POLH: variants seen among roughly 807,000 people sequenced by gnomAD.
The protein encoded by POLH is DNA polymerase eta.
Under a neutral mutation model 73.6 loss-of-function variants are expected in POLH, and 53 were observed. The observed-to-expected ratio is 0.72, with a 90% CI of 0.58 to 0.91. The LOEUF is 0.91. Among genes scored for constraint, POLH ranks in the 40% least tolerant of loss-of-function variants. The pLI is 0.00. For synonymous variants in POLH, 292 were observed against 308.5 expected (o/e 0.95, Z 0.56); for missense variants, 768 against 865.4 (o/e 0.89, Z 1.41).
At position 43,619,080 on chromosome 6, in the gene POLH, T is replaced by C. The variant is rs926402626; in HGVS notation, c.*4523T>C. On this transcript the variant is annotated 3_prime_UTR_variant, in exon 11 of 11. Transcript: ENST00000372236. ...GCTTTTATGATACTTGAATATCTAA[T>C]AAAAGACAATATTTAGCCAGTCACG... 4.6e-5 allele frequency among the ~76,000 whole-genome samples: 7 copies of C among 152,122 alleles called. No individual in the cohort carries two copies. The highest frequency in any genetic ancestry group is 8.8e-5 in the Non-Finnish European group (6 of 68,026).
At position 43,583,075 on chromosome 6, in the gene POLH, AG is replaced by A. The variant is rs1176350430; in HGVS notation, c.207del (p.Lys70SerfsTer30). 2.3e-5 allele frequency: 37 copies of A among 1,613,742 alleles called. No homozygotes were observed. The highest frequency in any genetic ancestry group is 2.9e-5 in the Non-Finnish European group (34 of 1,179,746). Reference protein sequence around the residue: ...VTRSMWADDAKKLCPDLLLAQ... With the variant: ...VTRSMWADDAXKLCPDLLLAQ... The stretch of plus-strand genomic sequence containing the variant: ...AGAAGTATGTGGGCAGATGATGCTA[AG>A]AAGTTATGTCCAGATCTTCTACTGG... On this transcript the variant is annotated frameshift_variant, in exon 3 of 11. Coordinates refer to ENST00000372236, the MANE Select transcript of POLH (RefSeq NM_006502.3). LOFTEE classifies it high-confidence loss of function.
intron 2 of POLH, 146 bp downstream of exon 2, chr6:43,582,602 A>T: frequency 2.4e-6 from 2 of 839,716 alleles, no homozygotes. Flanking sequence ...ATCAGCTCAC[A>T]GCAGCTTTGA....
intron 4 of POLH, among the ~76,000 whole-genome samples, chr6:43,592,298 T>C (rs1260516306): frequency 1.3e-5 from 2 of 152,112 alleles, no homozygotes; most frequent in African/African-American, 4.8e-5. Context: ...AGAGGCGAGG[T>C]ATTTGTAATA....
rs1375995756 is a variant in POLH, at chr6:43,618,345, A to G, written c.*3788A>G. Among the ~76,000 whole-genome samples, 2 of 152,042 alleles carry G rather than the reference A, an allele frequency of 1.3e-5. No individual in the cohort carries two copies. Among genetic ancestry groups the G allele is most frequent in the Non-Finnish European group, 2.9e-5 (2 of 68,002 alleles). On this transcript the variant is annotated 3_prime_UTR_variant, in exon 11 of 11. Transcript: ENST00000372236. ...TAATTTTTGTATTTTTAGTAGAGAC[A>G]GGTTTTCACCATGTTGGCCAGGCTG...
At chr6:43,601,779 C>A (rs1055023673) in intron 6 of POLH, among the ~76,000 whole-genome samples, 1 of 151,766 alleles carries the variant, frequency 6.6e-6, no homozygotes, top group African/African-American at 2.4e-5. Context: ...AATAAATAGG[C>A]CGGGTGCGGT....
At position 43,618,413 on chromosome 6, in the gene POLH, A is replaced by G. The variant is rs1489047924; in HGVS notation, c.*3856A>G. Among the ~76,000 whole-genome samples the G allele has an allele frequency of 5.3e-5, 8 of 152,016 alleles. No individual in the cohort carries two copies. The highest frequency in any genetic ancestry group is 1.5e-5 in the Non-Finnish European group (1 of 68,000). Reference sequence around the variant, plus strand: ...GTGATCCATCCGCCTCGGCCTCCCAAAGTGCTGGGATTATAGGCATGAGCC... The same window carrying G: ...GTGATCCATCCGCCTCGGCCTCCCAGAGTGCTGGGATTATAGGCATGAGCC... On this transcript the variant is annotated 3_prime_UTR_variant, in exon 11 of 11. Transcript: ENST00000372236.
Position 43,617,314 on chromosome 6 carries a change from T to C in POLH, c.*2757T>C, listed in dbSNP as rs1333021753. Among the ~76,000 whole-genome samples the C allele has an allele frequency of 6.6e-6, 1 of 152,182 alleles. No homozygotes were observed. Among genetic ancestry groups the C allele is most frequent in the African/African-American group, 2.4e-5 (1 of 41,452 alleles). On this transcript the variant is annotated 3_prime_UTR_variant, in exon 11 of 11. Coordinates refer to ENST00000372236, the MANE Select transcript of POLH (RefSeq NM_006502.3). ...CCTCACCACTATTCCCACTTAATTG[T>C]AATCTGATATTAACAAGATTTCCCA...
intron 5 of POLH, among the ~76,000 whole-genome samples, chr6:43,598,963 T>G (rs1766420175): frequency 6.6e-6 from 1 of 151,864 alleles, no homozygotes; most frequent in African/African-American, 2.4e-5. Flanking sequence ...AATGTATTTC[T>G]TCTATTTTCA....
chr6:43,605,508 G>T (rs1582310932), intron 9 of POLH, 189 bp downstream of exon 9: 3 of 524,756 alleles, frequency 5.7e-6, no homozygotes, highest in Admixed American at 3.3e-5. Context: ...GAGTACACTG[G>T]CACAATCATG....
At chr6:43,598,629 C>T (rs1480005649) in intron 5 of POLH, among the ~76,000 whole-genome samples, 3 of 148,228 alleles carry the variant, frequency 2.0e-5, no homozygotes, top group Non-Finnish European at 3.0e-5. Flanking sequence ...GCAAAGACTC[C>T]GTCTCAAAAA....
At chr6:43,578,855 CT>C (rs1461872213) in intron 1 of POLH, among the ~76,000 whole-genome samples, 1 of 152,146 alleles carries the variant, frequency 6.6e-6, no homozygotes, top group Non-Finnish European at 1.5e-5. Context: ...TTCTCTTCCC[CT>C]GGTGATGTGC....
In POLH at chr6:43,616,888, G is replaced by C. The variant is rs576315037; in HGVS notation, c.*2331G>C. On this transcript the variant is annotated 3_prime_UTR_variant, in exon 11 of 11. Transcript: ENST00000372236. ...TAGTTCAGGAACTCTGTTTAGATCTGATAAGTCATAATCAAATCTTGCCAG... is the reference window on the plus strand; with the variant it reads ...TAGTTCAGGAACTCTGTTTAGATCTCATAAGTCATAATCAAATCTTGCCAG... Among the ~76,000 whole-genome samples, 1 of 152,304 alleles carries C rather than the reference G, an allele frequency of 6.6e-6. No homozygotes were observed. The highest frequency in any genetic ancestry group is 2.1e-4 in the South Asian group (1 of 4,832).
chr6:43,612,496 G>A (rs1421676157), intron 10 of POLH, among the ~76,000 whole-genome samples: 6 of 151,016 alleles, frequency 4.0e-5, no homozygotes, highest in African/African-American at 1.5e-4. Flanking sequence ...ACAGGTGCCC[G>A]CCACCACGCC....
chr6:43,595,241 C>G (rs570175724), intron 4 of POLH, among the ~76,000 whole-genome samples: 1 of 151,952 alleles, frequency 6.6e-6, no homozygotes, highest in Non-Finnish European at 1.5e-5. Flanking sequence ...AGTGATTCTC[C>G]TGTCTCAGCC....
At chr6:43,585,714 C>T (rs1338655104) in intron 3 of POLH, among the ~76,000 whole-genome samples, 5 of 147,248 alleles carry the variant, frequency 3.4e-5, no homozygotes, top group African/African-American at 7.7e-5. Flanking sequence ...GGTGCAATCT[C>T]GGCTCACCAC....
At position 43,617,656 on chromosome 6, in the gene POLH, G is replaced by A. The variant is rs1768437211; in HGVS notation, c.*3099G>A. On this transcript the variant is annotated 3_prime_UTR_variant, in exon 11 of 11. Coordinates refer to ENST00000372236, the MANE Select transcript of POLH (RefSeq NM_006502.3). ...AAAAAATTCCCAATGTGGGCCGGGT[G>A]CAGTGGCTCATGCCTGTAATCCCAG... Among the ~76,000 whole-genome samples the A allele has an allele frequency of 6.6e-6, 1 of 151,892 alleles. No homozygotes were observed. Among genetic ancestry groups the A allele is most frequent in the African/African-American group, 2.4e-5 (1 of 41,372 alleles).
rs992033293 is a variant in POLH at position 43,600,987 on chromosome 6, G to C, written c.661-1G>C. ...GGTTTTTATACTTTGCATGCTTCCA[G>C]GTCCTGGCAAAACTGGCCTGTGGAC... On this transcript the variant is annotated splice_acceptor_variant, in intron 5 of 10. Coordinates refer to ENST00000372236, the MANE Select transcript of POLH (RefSeq NM_006502.3). LOFTEE classifies it high-confidence loss of function. The C allele has an allele frequency of 6.2e-7, 1 of 1,611,740 alleles. No individual in the cohort carries two copies. The highest frequency in any genetic ancestry group is 8.5e-7 in the Non-Finnish European group (1 of 1,177,838).
chr6:43,581,760 TCCCGGCTCCGCACTGCC>T (rs1764277410), intron 1 of POLH, among the ~76,000 whole-genome samples: 1 of 149,740 alleles, frequency 6.7e-6, no homozygotes, highest in Non-Finnish European at 1.5e-5. Context: ...GCCGCGACTG[TCCCGGCTCCGCACTGCC>T]CCGGGCCGCA....
intron 10 of POLH, among the ~76,000 whole-genome samples, chr6:43,612,944 G>A (rs1768055169): frequency 6.6e-6 from 1 of 151,964 alleles, no homozygotes; most frequent in African/African-American, 2.4e-5. Context: ...TGGGTTACAG[G>A]CGTGTGTCAC....
Sources: gnomAD v4.1 joint callset for allele counts (sites outside exome capture counted in the v4.1 genomes callset) on GRCh38, gnomAD v4.1.1 for gene constraint, MANE v1.5 for transcripts, NCBI Gene and HGNC (gene_info 2026-07-23, HGNC 2026-07-21) for gene names.